LRRC73: variants seen among roughly 807,000 people sequenced by gnomAD.
LRRC73 encodes leucine-rich repeat-containing protein 73.
LRRC73 carries 16 observed loss-of-function variants against 26.4 expected under a neutral mutation model. The observed-to-expected ratio is 0.61, with a 90% CI of 0.41 to 0.92. The LOEUF is 0.92. LRRC73 is among the 40% of genes least tolerant of loss of function. The pLI, the probability that LRRC73 is intolerant of heterozygous loss-of-function variation, is 0.00. For synonymous variants in LRRC73, 210 were observed against 179.8 expected, an observed-to-expected ratio of 1.17 and a Z score of -1.34; for missense variants, 344 against 416.3, an observed-to-expected ratio of 0.83 and a Z score of 1.51.
chr6:43,508,748 G>A lies in LRRC73; in HGVS notation c.433+12C>T, dbSNP rs772929676. The A allele has an allele frequency of 6.3e-7, 1 of 1,595,794 alleles. No individual in the cohort carries two copies. Among genetic ancestry groups the A allele is most frequent in the Non-Finnish European group, 8.6e-7 (1 of 1,169,266 alleles). ...CCACACTAGCCCAAGCCCTCAACAG[G>A]GTCCTGCTCACCAGATTTGGCCCCA... On this transcript the variant is annotated intron_variant, in intron 2 of 5. Transcript: ENST00000372441.
Position 43,508,530 on chromosome 6 carries a change from T to A in LRRC73, c.434-110A>T, listed in dbSNP as rs1395554050. On this transcript the variant is annotated intron_variant, in intron 2 of 5. Coordinates refer to ENST00000372441, the Ensembl canonical transcript of LRRC73. ...TGTCCCTAGTGGCTGGGCACCACCTTACCCCCACCATAGAGGTCAAGAGCC... is the reference window on the plus strand; with the variant it reads ...TGTCCCTAGTGGCTGGGCACCACCTAACCCCCACCATAGAGGTCAAGAGCC... The A allele has an allele frequency of 3.9e-6, 6 of 1,522,502 alleles. No homozygotes were observed. In the East Asian group the frequency reaches 1.4e-4, roughly 35 times the overall value. The allele number at this position is 1,522,502 out of a possible 1,614,324, so 94.3% of individuals were successfully genotyped here.
chr6:43,508,025 G>T, intron 3 of LRRC73, 99 bp from the exon 4 acceptor site: 1 of 1,135,796 alleles, frequency 8.8e-7, no homozygotes, highest in Non-Finnish European at 1.3e-6. Flanking sequence ...CTAATCCCTG[G>T]CCAAGGAAAC....
At chr6:43,509,990 G>A in exon 1 of LRRC73, 1 of 367,162 alleles carries the variant, frequency 2.7e-6, no homozygotes, top group East Asian at 4.7e-5. Context: ...GGACTGAGCC[G>A]GAGCCGGCCA....
intron 3 of LRRC73, 140 bp from the exon 4 acceptor site, chr6:43,508,066 CATT>C: frequency 1.0e-6 from 1 of 979,944 alleles, no homozygotes. Context: ...AGGAAGGGAT[CATT>C]GTGATTGGTG....
chr6:43,509,931 A>AGGCTGC (rs1474876247), exon 1 of LRRC73: 10 of 572,994 alleles, frequency 1.7e-5, no homozygotes, highest in African/African-American at 8.0e-5. Context: ...GCTGTGGCGG[A>AGGCTGC]GGCTGCGGCT....
rs904578050 is a variant in LRRC73 at position 43,508,189 on chromosome 6, G to A, written c.556+109C>T. ...ATCTCCTTGACCCCTGGGGGCTCCC[G>A]TTTCTCTTCCCTCTCCCAGTGTACG... On this transcript the variant is annotated intron_variant, in intron 3 of 5. Coordinates refer to ENST00000372441, the Ensembl canonical transcript of LRRC73. The A allele has an allele frequency of 1.9e-5, 28 of 1,450,442 alleles. No homozygotes were observed. The Middle Eastern group carries it at 5.5e-4, about 28-fold the overall frequency. The allele number at this position is 1,450,442 out of a possible 1,614,324, so 89.8% of individuals were successfully genotyped here.
chr6:43,507,231 T>C lies in LRRC73; in HGVS notation c.*7A>G, dbSNP rs569872068. ...AGTGAAATGGTGTGCAGAGGCCCAG[T>C]GGAGAGTCACATCTCGGTCTCAGCC... On this transcript the variant is annotated 3_prime_UTR_variant, in exon 6 of 6. Transcript: ENST00000372441. 27 of 1,613,702 alleles carry C rather than the reference T, an allele frequency of 1.7e-5. No individual in the cohort carries two copies. In the South Asian group the frequency reaches 2.7e-4, roughly 16 times the overall value.
exon 1 of LRRC73, chr6:43,510,341 C>G (rs1325595877): frequency 6.6e-6 from 1 of 152,442 alleles, no homozygotes; most frequent in East Asian, 1.9e-4. Context: ...GGCTCCAGCT[C>G]CAGAGAGCGA....
exon 3 of LRRC73, chr6:43,508,392 G>A: frequency 1.9e-6 from 3 of 1,613,704 alleles, no homozygotes; most frequent in South Asian, 2.2e-5. Flanking sequence ...TGATGCCAGG[G>A]TTGGCACTCA....
At chr6:43,509,262 T>C (rs1172415353) in intron 1 of LRRC73, among the ~76,000 whole-genome samples, 4 of 152,070 alleles carry the variant, frequency 2.6e-5, no homozygotes, top group African/African-American at 7.2e-5. Flanking sequence ...ATGCAGATGA[T>C]TAGGTGGGGA....
chr6:43,509,645 G>C (rs1440136857), exon 1 of LRRC73: 31 of 1,600,788 alleles, frequency 1.9e-5, no homozygotes, highest in Non-Finnish European at 2.6e-5. Context: ...CCCGGCAGAT[G>C]CGGCCAAAGT....
exon 1 of LRRC73, chr6:43,509,557 G>C (rs1208547465): frequency 6.8e-6 from 11 of 1,610,030 alleles, no homozygotes; most frequent in Non-Finnish European, 9.3e-6. Flanking sequence ...GCCTCAGCCA[G>C]CTGCTTGATG....
exon 6 of LRRC73, chr6:43,507,284 A>C (rs1223876045): frequency 6.2e-7 from 1 of 1,613,882 alleles, no homozygotes; most frequent in Non-Finnish European, 8.5e-7. Context: ...TCCTGACGTC[A>C]TTAGCACCAT....
At chr6:43,509,863 C>T in exon 1 of LRRC73, 3 of 1,288,926 alleles carry the variant, frequency 2.3e-6, no homozygotes, top group Non-Finnish European at 3.0e-6. Flanking sequence ...GGGATAGGGC[C>T]GGGGTCGGGG....
rs746724447 is a variant in LRRC73, at chr6:43,508,893, C to T, written c.300G>A (p.Ala100=). Residue 100 remains alanine (A), a synonymous_variant, in exon 2 of 6, where the codon GCG becomes GCA. Transcript: ENST00000372441. ...GGGCTGGGTTCAGCAAGGCCAGCCCCGCATCTGTCAGGGGGCTCCCATGCA... is the reference window on the plus strand; with the variant it reads ...GGGCTGGGTTCAGCAAGGCCAGCCCTGCATCTGTCAGGGGGCTCCCATGCA... 1.2e-5 allele frequency: 19 copies of T among 1,609,698 alleles called. No homozygotes were observed. The East Asian group carries it at 1.3e-4, about 11-fold the overall frequency.
chr6:43,509,423 T>C (rs1017535758), intron 1 of LRRC73, 91 bp downstream of exon 1: 5 of 1,428,698 alleles, frequency 3.5e-6, no homozygotes, highest in Middle Eastern at 2.5e-4. Context: ...GGTAGGATGG[T>C]ACTGGAAGGA....
exon 1 of LRRC73, chr6:43,509,879 G>GCAGGGGTCGGGGCCCCGA (rs1792611409): frequency 1.2e-5 from 14 of 1,191,894 alleles, no homozygotes; most frequent in Non-Finnish European, 1.5e-5. Context: ...CGGGGCCCCG[G>GCAGGGGTCGGGGCCCCGA]CAGGGGTCGC....
chr6:43,507,306 G>T (rs1384372639), exon 6 of LRRC73: 1 of 1,614,040 alleles, frequency 6.2e-7, no homozygotes, highest in Non-Finnish European at 8.5e-7. Context: ...TGAGAGCTGG[G>T]ATCTGTGGAA....
exon 1 of LRRC73, chr6:43,509,707 C>G (rs1462627689): frequency 1.9e-6 from 3 of 1,590,560 alleles, no homozygotes; most frequent in South Asian, 1.1e-5. Flanking sequence ...ACGGCGTTGT[C>G]GCGAAGGCCG....
Sources: allele counts gnomAD v4.1 joint callset (sites outside exome capture counted in the v4.1 genomes callset), GRCh38; gene constraint gnomAD v4.1.1; transcripts MANE v1.5; gene names NCBI Gene and HGNC (gene_info 2026-07-23, HGNC 2026-07-21).